FRMD3: variants seen among roughly 807,000 people sequenced by gnomAD.
FRMD3 encodes FERM domain containing 3.
A neutral mutation model predicts 70.2 loss-of-function variants in FRMD3; 33 were observed. That is an observed-to-expected ratio of 0.47 (90% CI 0.36 to 0.63). The LOEUF (loss-of-function observed/expected upper bound fraction) is 0.63, where lower values mean the gene tolerates loss of function less well. FRMD3 is among the 20% of genes least tolerant of loss of function. The pLI is 0.00. For missense variants in FRMD3, 632 were observed against 711.4 expected (o/e 0.89, Z 1.27); for synonymous variants, 279 against 255.9 (o/e 1.09, Z -0.86).
At chr9:83,503,539 AC>A (rs1213620278) in intron 1 of FRMD3, among the ~76,000 whole-genome samples, 1 of 152,168 alleles carries the variant, frequency 6.6e-6, no homozygotes, top group Non-Finnish European at 1.5e-5. Flanking sequence ...CTCTGCTGAC[AC>A]CTTGAGTACA....
Position 83,372,953 on chromosome 9 carries a change from G to A in FRMD3, c.255C>T (p.His85=). 6.3e-7 allele frequency: 1 copy of A among 1,588,176 alleles called. No individual in the cohort carries two copies. Among genetic ancestry groups the A allele is most frequent in the Admixed American group, 1.7e-5 (1 of 57,702 alleles). ...IRYVDPEKQR[H]WLEPNKSIFK... The stretch of plus-strand genomic sequence containing the variant: ...AGATGGACTTGTTAGGTTCAAGCCA[G>A]TGCTAGGGAGGAAAAAAAAAAAAGC... Residue 85 remains histidine, a splice_region_variant and synonymous_variant, in exon 3 of 14, where the codon CAC becomes CAT. Transcript: ENST00000304195.
chr9:83,337,821 A>C (rs1285831454), intron 5 of FRMD3, among the ~76,000 whole-genome samples: 1 of 152,240 alleles, frequency 6.6e-6, no homozygotes, highest in Non-Finnish European at 1.5e-5. Context: ...AGAGTTCTTA[A>C]AACAACCTAG....
the FRMD3 span, among the ~76,000 whole-genome samples, chr9:83,547,692 A>G: frequency 6.6e-6 from 1 of 152,212 alleles, no homozygotes; most frequent in East Asian, 1.9e-4. Flanking sequence ...AATGGACCTA[A>G]CAGACATTTA....
intron 1 of FRMD3, among the ~76,000 whole-genome samples, chr9:83,532,352 G>A (rs1046313613): frequency 2.6e-5 from 4 of 152,106 alleles, no homozygotes; most frequent in Non-Finnish European, 5.9e-5. Context: ...TGCCTGCTCT[G>A]AACAAGATGC....
chr9:83,338,554 CA>C (rs1444979836), intron 5 of FRMD3, among the ~76,000 whole-genome samples: 1 of 151,972 alleles, frequency 6.6e-6, no homozygotes, highest in African/African-American at 2.4e-5. Context: ...TTAAAATCAA[CA>C]AAATAAGATG....
chr9:83,571,490 G>A, the FRMD3 span, among the ~76,000 whole-genome samples: 2 of 152,228 alleles, frequency 1.3e-5, no homozygotes, highest in Non-Finnish European at 2.9e-5. Flanking sequence ...ACGACTGCAG[G>A]AAGAGCAAGC....
chr9:83,453,369 TA>T (rs1228907275), intron 1 of FRMD3, among the ~76,000 whole-genome samples: 2 of 152,026 alleles, frequency 1.3e-5, no homozygotes, highest in African/African-American at 2.4e-5. Context: ...TCAGAATCAT[TA>T]AAAAAAATCT....
intron 1 of FRMD3, among the ~76,000 whole-genome samples, chr9:83,410,746 A>G (rs1206390390): frequency 6.6e-6 from 1 of 152,182 alleles, no homozygotes; most frequent in Non-Finnish European, 1.5e-5. Context: ...CCGCAGCTGA[A>G]CTAATTTACA....
intron 13 of FRMD3, among the ~76,000 whole-genome samples, chr9:83,258,535 G>A (rs1047439137): frequency 2.6e-5 from 4 of 152,196 alleles, no homozygotes; most frequent in Admixed American, 1.3e-4. Flanking sequence ...CTTAAAATGA[G>A]GATACTAATG....
At chr9:83,451,549 A>G (rs1370180243) in intron 1 of FRMD3, among the ~76,000 whole-genome samples, 1 of 152,230 alleles carries the variant, frequency 6.6e-6, no homozygotes, top group Non-Finnish European at 1.5e-5. Context: ...CTGGGGCCAA[A>G]TAGCCTGACA....
chr9:83,555,760 G>A, the FRMD3 span, among the ~76,000 whole-genome samples: 2 of 152,208 alleles, frequency 1.3e-5, no homozygotes, highest in African/African-American at 2.4e-5. Flanking sequence ...AGGCTCCAGG[G>A]TCTCCAGGCA....
chr9:83,497,881 C>T (rs573801788), intron 1 of FRMD3, among the ~76,000 whole-genome samples: 11 of 152,234 alleles, frequency 7.2e-5, no homozygotes, highest in Non-Finnish European at 1.0e-4. Flanking sequence ...GGAGCGATAG[C>T]TCATGCCTGT....
intron 1 of FRMD3, among the ~76,000 whole-genome samples, chr9:83,459,683 A>T (rs143192887): frequency 2.4e-3 from 369 of 152,368 alleles, no homozygotes; most frequent in African/African-American, 8.2e-3. Context: ...AAGCCTCCTC[A>T]GAAGTCAGCT....
intron 2 of FRMD3, among the ~76,000 whole-genome samples, chr9:83,376,801 A>G (rs1825161071): frequency 6.6e-6 from 1 of 152,018 alleles, no homozygotes; most frequent in Non-Finnish European, 1.5e-5. Flanking sequence ...ATTTGATAAA[A>G]TATATACATA....
intron 9 of FRMD3, among the ~76,000 whole-genome samples, chr9:83,310,270 G>C (rs1410211181): frequency 6.6e-6 from 1 of 152,130 alleles, no homozygotes; most frequent in African/African-American, 2.4e-5. Context: ...ACATGGGGGT[G>C]TACAATCAGC....
intron 5 of FRMD3, 148 bp downstream of exon 5, chr9:83,343,042 T>G: frequency 3.1e-6 from 2 of 648,664 alleles, no homozygotes; most frequent in Admixed American, 5.2e-5. Context: ...GGAAGGTGAG[T>G]TGGGGTTCTG....
intron 3 of FRMD3, among the ~76,000 whole-genome samples, chr9:83,352,198 T>C (rs1228832307): frequency 6.6e-6 from 1 of 152,234 alleles, no homozygotes; most frequent in Non-Finnish European, 1.5e-5. Context: ...TATATGCTTG[T>C]ATTTTTATTT....
the FRMD3 span, among the ~76,000 whole-genome samples, chr9:83,554,961 GA>G: frequency 6.6e-6 from 1 of 152,326 alleles, no homozygotes; most frequent in African/African-American, 2.4e-5. Flanking sequence ...GCTGCAAAAT[GA>G]CAAAGATAGC....
At chr9:83,345,111 T>A (rs1209779598) in intron 4 of FRMD3, among the ~76,000 whole-genome samples, 8 of 152,174 alleles carry the variant, frequency 5.3e-5, no homozygotes, top group Admixed American at 4.6e-4. Flanking sequence ...AAGGAATCAG[T>A]GGCTCACTGA....
Sources: allele counts gnomAD v4.1 joint callset (sites outside exome capture counted in the v4.1 genomes callset), GRCh38; gene constraint gnomAD v4.1.1; transcripts MANE v1.5; gene names NCBI Gene and HGNC (gene_info 2026-07-23, HGNC 2026-07-21).